ZNF92: variants seen among roughly 807,000 people sequenced by gnomAD.
ZNF92 encodes the protein zinc finger protein 92.
Under a neutral mutation model 12.4 loss-of-function variants are expected in ZNF92, and 11 were observed. That is an observed-to-expected ratio of 0.89 (90% CI 0.56 to 1.47). The LOEUF is 1.47. Ranked by LOEUF, ZNF92 falls within the 40% of genes most tolerant of loss-of-function variation. The pLI is 0.00. For missense variants in ZNF92, 622 were observed against 681.0 expected (o/e 0.91, Z 0.96); for synonymous variants, 206 against 228.6 (o/e 0.90, Z 0.89).
chr7:65,377,489 ATTGTTTTGAGGCAGTTTCTAGAGGCAGT>A lies in ZNF92; in HGVS notation c.3+3506_3+3533del, dbSNP rs1793276311. On this transcript the variant is annotated intron_variant, in intron 1 of 3. Transcript: ENST00000328747. ...GGGTCTTACTGAAGATAAAGCTGTCATTGTTTTGAGGCAGTTTCTAGAGGCAGTTTGTTTTGAGGCAGTTACTTTTTAT... is the reference window on the plus strand; with the variant it reads ...GGGTCTTACTGAAGATAAAGCTGTCATTGTTTTGAGGCAGTTACTTTTTAT... Among the ~76,000 whole-genome samples, 6 of 152,232 alleles carry A rather than the reference ATTGTTTTGAGGCAGTTTCTAGAGGCAGT, an allele frequency of 3.9e-5. No individual in the cohort carries two copies. In the South Asian group the frequency reaches 1.2e-3, roughly 32 times the overall value.
At position 65,400,367 on chromosome 7, in the gene ZNF92, G is replaced by A. The variant is rs10243059; in HGVS notation, c.*492G>A. On this transcript the variant is annotated 3_prime_UTR_variant, in exon 4 of 4. Coordinates refer to ENST00000328747, the MANE Select transcript of ZNF92 (RefSeq NM_152626.4). ...AACTTTGTTCGACATCAGGGAATTT[G>A]TATTGGAGAAAAACCCTGCAAATGT... 0.28 allele frequency: 42,224 copies of A among 151,798 alleles called. 7,706 individuals are homozygous for A. The highest frequency in any genetic ancestry group is 0.49 in the African/African-American group (20,421 of 41,426). The allele number at this position is 151,798 out of a possible 1,614,324, so 9.4% of individuals were successfully genotyped here. A position where few individuals can be genotyped will look rare whatever the true frequency, so the allele number is the denominator to read the frequency against.
At chr7:65,391,718 A>G (rs1056676225) in intron 3 of ZNF92, among the ~76,000 whole-genome samples, 1 of 152,106 alleles carries the variant, frequency 6.6e-6, no homozygotes, top group African/African-American at 2.4e-5. Flanking sequence ...TAAGAATAGC[A>G]TATATTTAAA....
intron 1 of ZNF92, among the ~76,000 whole-genome samples, chr7:65,386,112 C>T (rs572529289): frequency 6.6e-6 from 1 of 152,090 alleles, no homozygotes; most frequent in East Asian, 1.9e-4. Flanking sequence ...CTCTGCCTCC[C>T]GGGTTCAAGC....
chr7:65,377,741 AT>A lies in ZNF92; in HGVS notation c.3+3746del, dbSNP rs764118514. On this transcript the variant is annotated intron_variant, in intron 1 of 3. Coordinates refer to ENST00000328747, the MANE Select transcript of ZNF92 (RefSeq NM_152626.4). ...GCCACCACACCCAGCTAATTTTTGT[AT>A]TTTTAGTAGAGACGGGGTTTCACCA... Among the ~76,000 whole-genome samples, 80 of 151,854 alleles carry A rather than the reference AT, an allele frequency of 5.3e-4. 1 individual carries two copies. In the Middle Eastern group the frequency reaches 0.014, roughly 26 times the overall value.
In ZNF92 at chr7:65,400,357, C is replaced by T. The variant is rs898619186; in HGVS notation, c.*482C>T. The T allele has an allele frequency of 6.6e-6, 1 of 152,058 alleles. No homozygotes were observed. The highest frequency in any genetic ancestry group is 6.6e-5 in the Admixed American group (1 of 15,256). The allele number at this position is 152,058 out of a possible 1,614,324, so 9.4% of individuals were successfully genotyped here. On this transcript the variant is annotated 3_prime_UTR_variant, in exon 4 of 4. Transcript: ENST00000328747. ...TAGTTGCTCAAACTTTGTTCGACAT[C>T]AGGGAATTTGTATTGGAGAAAAACC...
chr7:65,374,151 T>A, intron 1 of ZNF92, 151 bp downstream of exon 1: 1 of 1,121,714 alleles, frequency 8.9e-7, no homozygotes, highest in Non-Finnish European at 1.3e-6. Context: ...CTCAGTCTCC[T>A]TCAGCCATAA....
chr7:65,377,485 TG>T (rs1452192860), intron 1 of ZNF92, among the ~76,000 whole-genome samples: 1 of 152,140 alleles, frequency 6.6e-6, no homozygotes, highest in African/African-American at 2.4e-5. Context: ...AAGATAAAGC[TG>T]TCATTGTTTT....
intron 1 of ZNF92, among the ~76,000 whole-genome samples, chr7:65,374,745 C>A (rs947696542): frequency 6.6e-6 from 1 of 151,632 alleles, no homozygotes; most frequent in Non-Finnish European, 1.5e-5. Flanking sequence ...AGTAGGAACC[C>A]AGGGACTAGA....
chr7:65,387,995 A>G lies in ZNF92; in HGVS notation c.97A>G (p.Met33Val). Residue 33 changes from methionine (M) to valine (V), a missense_variant, in exon 2 of 4, where the codon ATG becomes GTG. Physicochemically the swap from Met to Val is conservative, Grantham distance 21. Transcript: ENST00000328747. Reference sequence around the variant, plus strand: ...GCAGCGGAATTTATATAGAGATGTGATGTTAGAGAACTACAGAAACCTGGT... The same window carrying G: ...GCAGCGGAATTTATATAGAGATGTGGTGTTAGAGAACTACAGAAACCTGGT... ...TAQRNLYRDV[M>V]LENYRNLVFL... 1 of 1,608,860 alleles carries G rather than the reference A, an allele frequency of 6.2e-7. No homozygotes were observed. The highest frequency in any genetic ancestry group is 1.1e-5 in the South Asian group (1 of 90,682).
intron 1 of ZNF92, among the ~76,000 whole-genome samples, chr7:65,376,016 G>A (rs1315323076): frequency 6.6e-6 from 1 of 151,684 alleles, no homozygotes; most frequent in African/African-American, 2.4e-5. Flanking sequence ...GGGTTCAAGA[G>A]ATTCTGCTGC....
intron 3 of ZNF92, among the ~76,000 whole-genome samples, chr7:65,395,233 T>C (rs1793816476): frequency 6.6e-6 from 1 of 152,058 alleles, no homozygotes; most frequent in South Asian, 2.1e-4. Flanking sequence ...ATTTTGATCA[T>C]TTGTAGGGAC....
In ZNF92 at chr7:65,387,987, G is replaced by A; in HGVS notation, c.89G>A (p.Arg30Lys). The change falls in exon 2 of 4, where the codon AGA becomes AAA. Residue 30 changes from arginine (R) to lysine (K), a missense_variant. By Grantham distance (26) the Arg-to-Lys change is conservative (BLOSUM62 2). Coordinates refer to ENST00000328747, the MANE Select transcript of ZNF92 (RefSeq NM_152626.4). ...GACACTGCGCAGCGGAATTTATATA[G>A]AGATGTGATGTTAGAGAACTACAGA... ...CLDTAQRNLYRDVMLENYRNL... is the reference protein window; with the variant it reads ...CLDTAQRNLYKDVMLENYRNL... 6.2e-7 allele frequency: 1 copy of A among 1,609,172 alleles called. No individual in the cohort carries two copies. Among genetic ancestry groups the A allele is most frequent in the Admixed American group, 1.7e-5 (1 of 59,256 alleles).
At chr7:65,380,473 T>C (rs1371068706) in intron 1 of ZNF92, among the ~76,000 whole-genome samples, 1 of 152,104 alleles carries the variant, frequency 6.6e-6, no homozygotes, top group African/African-American at 2.4e-5. Context: ...AGTTTTGCCA[T>C]GTTTCCCAGG....
intron 3 of ZNF92, among the ~76,000 whole-genome samples, chr7:65,398,035 G>A (rs1793888415): frequency 6.6e-6 from 1 of 152,132 alleles, no homozygotes; most frequent in Non-Finnish European, 1.5e-5. Flanking sequence ...AAGACACTAG[G>A]TTATTGAGGA....
At chr7:65,383,830 T>C (rs1793490585) in intron 1 of ZNF92, among the ~76,000 whole-genome samples, 1 of 152,154 alleles carries the variant, frequency 6.6e-6, no homozygotes. Context: ...ACTGCCTGGC[T>C]TACTACTGGG....
At chr7:65,398,292 TC>T in intron 3 of ZNF92, 48 bp from the exon 4 acceptor site, 2 of 1,406,814 alleles carry the variant, frequency 1.4e-6, no homozygotes, top group Non-Finnish European at 1.9e-6. Flanking sequence ...TAAAGTATAT[TC>T]ATCTGAGTCT....
In ZNF92 at chr7:65,400,803, AG is replaced by A. The variant is rs1329775112; in HGVS notation, c.*929del. The A allele has an allele frequency of 2.0e-5, 3 of 151,970 alleles. No individual in the cohort carries two copies. Among genetic ancestry groups the A allele is most frequent in the Non-Finnish European group, 2.9e-5 (2 of 67,902 alleles). The allele number at this position is 151,970 out of a possible 1,614,324, so 9.4% of individuals were successfully genotyped here. A position where few individuals can be genotyped will look rare whatever the true frequency, so the allele number is the denominator to read the frequency against. ...CCTATTATATTCACATGTGAAAGCA[AG>A]TGATCTGTTGTTGCTGAATCAGAGA... is the stretch of plus-strand genomic sequence containing the variant. On this transcript the variant is annotated 3_prime_UTR_variant, in exon 4 of 4. Transcript: ENST00000328747.
chr7:65,388,277 A>G (rs938412930), intron 2 of ZNF92: 9 of 277,874 alleles, frequency 3.2e-5, no homozygotes, highest in South Asian at 8.3e-5. Flanking sequence ...ATTTATTGGC[A>G]TAAAATATTG....
chr7:65,380,016 T>G (rs369569079), intron 1 of ZNF92, among the ~76,000 whole-genome samples: 124 of 152,226 alleles, frequency 8.1e-4, no homozygotes, highest in African/African-American at 2.8e-3. Flanking sequence ...CTCTTTGTCC[T>G]GCCACCCTCT....
Sources: allele counts gnomAD v4.1 joint callset (sites outside exome capture counted in the v4.1 genomes callset), GRCh38; gene constraint gnomAD v4.1.1; transcripts MANE v1.5; gene names NCBI Gene and HGNC (gene_info 2026-07-23, HGNC 2026-07-21).